NCAM2: variants seen among roughly 807,000 people sequenced by gnomAD.
NCAM2 encodes the protein N-CAM-2.
In NCAM2, 30 loss-of-function variants were observed where a neutral mutation model predicts 98.1. The observed-to-expected ratio is 0.31, with a 90% CI of 0.23 to 0.41. The LOEUF (loss-of-function observed/expected upper bound fraction) is 0.41, where lower values mean the gene tolerates loss of function less well. NCAM2 is among the 10% of genes least tolerant of loss of function. The pLI is 1.00. For synonymous variants in NCAM2, 368 were observed against 342.4 expected, an observed-to-expected ratio of 1.07 and a Z score of -0.83; for missense variants, 867 against 1,005.8, an observed-to-expected ratio of 0.86 and a Z score of 1.87.
chr21:21,446,796 T>C (rs1980222791), intron 12 of NCAM2, among the ~76,000 whole-genome samples: 1 of 151,990 alleles, frequency 6.6e-6, no homozygotes, highest in Non-Finnish European at 1.5e-5. Context: ...GAATTCCCAT[T>C]CACAATTGTT....
intron 1 of NCAM2, among the ~76,000 whole-genome samples, chr21:21,235,193 G>T (rs565535434): frequency 1.3e-5 from 2 of 151,760 alleles, no homozygotes; most frequent in Admixed American, 6.6e-5. Context: ...TAGTAAGAAA[G>T]ATATTTTTAT....
chr21:21,256,459 A>G (rs1478714304), intron 1 of NCAM2, among the ~76,000 whole-genome samples: 1 of 152,196 alleles, frequency 6.6e-6, no homozygotes, highest in Non-Finnish European at 1.5e-5. Flanking sequence ...GTAGATGTTT[A>G]TTATTTTAGC....
Position 21,541,075 on chromosome 21 carries a change from A to C in NCAM2, c.*3118A>C, listed in dbSNP as rs1990211913. The C allele has an allele frequency of 6.6e-6, 1 of 151,602 alleles. No individual in the cohort carries two copies. Among genetic ancestry groups the C allele is most frequent in the Non-Finnish European group, 1.5e-5 (1 of 67,760 alleles). 9.4% of individuals were successfully genotyped at this position (151,602 alleles called of 1,614,324 possible). On this transcript the variant is annotated 3_prime_UTR_variant, in exon 18 of 18. Coordinates refer to ENST00000400546, the MANE Select transcript of NCAM2 (RefSeq NM_004540.5). The stretch of plus-strand genomic sequence containing the variant: ...ATTTGATCCAGCACACTTCATATGG[A>C]TCTTAGTCTTTGAATTAAATATTTA...
intron 9 of NCAM2, among the ~76,000 whole-genome samples, chr21:21,374,333 T>A (rs1431682113): frequency 1.3e-5 from 2 of 151,926 alleles, no homozygotes; most frequent in Non-Finnish European, 2.9e-5. Flanking sequence ...TCACTTTAGA[T>A]TTTTTATTTC....
At chr21:21,045,297 T>C (rs1375265388) in intron 1 of NCAM2, among the ~76,000 whole-genome samples, 1 of 152,180 alleles carries the variant, frequency 6.6e-6, no homozygotes, top group East Asian at 1.9e-4. Context: ...AATACAAATA[T>C]CATAGGATTT....
chr21:21,241,431 T>G (rs369588164), intron 1 of NCAM2, among the ~76,000 whole-genome samples: 2 of 152,334 alleles, frequency 1.3e-5, no homozygotes, highest in East Asian at 3.9e-4. Context: ...GCATATAAAT[T>G]GTTAACTTCT....
chr21:21,284,425 A>G (rs762378800), intron 3 of NCAM2, 25 bp downstream of exon 3: 2 of 1,551,144 alleles, frequency 1.3e-6, no homozygotes, highest in African/African-American at 1.4e-5. Flanking sequence ...TATATGTTTT[A>G]GTTTATTCAA....
chr21:21,068,751 T>A (rs1601266715), intron 1 of NCAM2, among the ~76,000 whole-genome samples: 1 of 152,180 alleles, frequency 6.6e-6, no homozygotes, highest in East Asian at 1.9e-4. Context: ...GACCAATGAC[T>A]TATCGTTATT....
At chr21:21,187,860 G>T (rs2068692578) in intron 1 of NCAM2, among the ~76,000 whole-genome samples, 2 of 152,096 alleles carry the variant, frequency 1.3e-5, no homozygotes, top group Non-Finnish European at 2.9e-5. Context: ...TGTCGTCAGG[G>T]TCAGCTAAAT....
intron 15 of NCAM2, among the ~76,000 whole-genome samples, chr21:21,499,203 C>T (rs955780665): frequency 4.6e-5 from 7 of 152,128 alleles, no homozygotes; most frequent in Non-Finnish European, 1.0e-4. Flanking sequence ...GATCTGAAGC[C>T]TTAAGCCTTA....
chr21:21,245,700 C>T (rs985985869), intron 1 of NCAM2, among the ~76,000 whole-genome samples: 1 of 152,144 alleles, frequency 6.6e-6, no homozygotes, highest in Non-Finnish European at 1.5e-5. Flanking sequence ...CTGTTTGTTT[C>T]ATAATTTTAT....
chr21:21,030,082 G>T (rs544217022), intron 1 of NCAM2, among the ~76,000 whole-genome samples: 1 of 152,168 alleles, frequency 6.6e-6, no homozygotes, highest in Non-Finnish European at 1.5e-5. Flanking sequence ...TGTAGCTGGG[G>T]GTGAAAGACA....
chr21:21,065,017 T>TA (rs2065404052), intron 1 of NCAM2, among the ~76,000 whole-genome samples: 1 of 151,762 alleles, frequency 6.6e-6, no homozygotes, highest in Non-Finnish European at 1.5e-5. Flanking sequence ...CCGTCTCTAC[T>TA]AAAAATACAA....
At chr21:21,214,815 C>T (rs4818607) in intron 1 of NCAM2, among the ~76,000 whole-genome samples, 11 of 141,700 alleles carry the variant, frequency 7.8e-5, no homozygotes, top group African/African-American at 2.6e-4. Context: ...ATATGTGTAT[C>T]GAATATATGT....
In NCAM2 at chr21:21,410,462, G is replaced by C; in HGVS notation, c.1383+1G>C. On this transcript the variant is annotated splice_donor_variant, in intron 10 of 17. Coordinates refer to ENST00000400546, the MANE Select transcript of NCAM2 (RefSeq NM_004540.5). LOFTEE classifies it high-confidence loss of function. ...TACAGGAAGAAAGATGATATTAGAG[G>C]TAAGTCCACATGTATACATCAATAA... The C allele has an allele frequency of 6.6e-7, 1 of 1,514,550 alleles. No homozygotes were observed. Among genetic ancestry groups the C allele is most frequent in the Non-Finnish European group, 8.9e-7 (1 of 1,125,596 alleles). 93.8% of individuals were successfully genotyped at this position (1,514,550 alleles called of 1,614,324 possible). A position where few individuals can be genotyped will look rare whatever the true frequency, so the allele number is the denominator to read the frequency against.
chr21:21,359,510 C>A (rs2075588156), intron 8 of NCAM2, among the ~76,000 whole-genome samples: 1 of 151,858 alleles, frequency 6.6e-6, no homozygotes, highest in Non-Finnish European at 1.5e-5. Context: ...TTAAAAGCAT[C>A]ATTTACTAAT....
At chr21:21,140,740 C>T (rs1021436156) in intron 1 of NCAM2, among the ~76,000 whole-genome samples, 1 of 132,196 alleles carries the variant, frequency 7.6e-6, no homozygotes, top group Non-Finnish European at 1.6e-5. Context: ...CCTGGAAAAT[C>T]ACTTTATTTT....
At chr21:21,134,894 T>G (rs116874616) in intron 1 of NCAM2, among the ~76,000 whole-genome samples, 1 of 152,024 alleles carries the variant, frequency 6.6e-6, no homozygotes, top group Admixed American at 6.5e-5. Flanking sequence ...TTTATTTTTA[T>G]TTTTTTGTAC....
At position 21,280,686 on chromosome 21, in the gene NCAM2, G is replaced by C. The variant is rs764262366; in HGVS notation, c.130+34G>C. 58 of 1,345,748 alleles carry C rather than the reference G, an allele frequency of 4.3e-5. 1 individual carries two copies. In the South Asian group the frequency reaches 4.6e-4, roughly 11 times the overall value. The allele number at this position is 1,345,748 out of a possible 1,614,324, so 83.4% of individuals were successfully genotyped here. On this transcript the variant is annotated intron_variant, in intron 2 of 17. Coordinates refer to ENST00000400546, the MANE Select transcript of NCAM2 (RefSeq NM_004540.5). ...TTCTGTAAATACCTTCAGATAACGT[G>C]GTTTCTGTTAAAATATTAATAAAAT...
Sources: gnomAD v4.1 joint callset for allele counts (sites outside exome capture counted in the v4.1 genomes callset) on GRCh38, gnomAD v4.1.1 for gene constraint, MANE v1.5 for transcripts, NCBI Gene and HGNC (gene_info 2026-07-23, HGNC 2026-07-21) for gene names.